Variants in FAM227B observed in about 807,000 individuals in gnomAD.
The protein encoded by FAM227B is protein FAM227B.
In FAM227B, 88 loss-of-function variants were observed where a neutral mutation model predicts 73.8. That is an observed-to-expected ratio of 1.19 (90% CI 1.00 to 1.42). FAM227B has a LOEUF of 1.42. Ranked by LOEUF, FAM227B falls within the 40% of genes most tolerant of loss-of-function variation. FAM227B has a pLI of 0.00. For missense variants in FAM227B, 632 were observed against 590.9 expected (o/e 1.07, Z -0.72); for synonymous variants, 210 against 190.5 (o/e 1.10, Z -0.84).
At chr15:49,377,331 A>G (rs1159350063) in intron 11 of FAM227B, among the ~76,000 whole-genome samples, 2 of 152,054 alleles carry the variant, frequency 1.3e-5, no homozygotes, top group African/African-American at 4.8e-5. Context: ...ATACAGGAGT[A>G]CAGATATTTC....
chr15:49,357,931 A>T (rs1315592504), intron 13 of FAM227B, among the ~76,000 whole-genome samples: 2 of 152,048 alleles, frequency 1.3e-5, no homozygotes, highest in Non-Finnish European at 2.9e-5. Context: ...GGCTGGTTCA[A>T]TATACACAAA....
chr15:49,416,130 C>A (rs1345667762), intron 11 of FAM227B, among the ~76,000 whole-genome samples: 1 of 146,286 alleles, frequency 6.8e-6, no homozygotes, highest in African/African-American at 2.5e-5. Flanking sequence ...TTGGAACACA[C>A]CAAGATCCAC....
At chr15:49,498,940 G>A in intron 11 of FAM227B, among the ~76,000 whole-genome samples, 1 of 151,828 alleles carries the variant, frequency 6.6e-6, no homozygotes, top group South Asian at 2.1e-4. Flanking sequence ...GCCGAGGCGG[G>A]CGGATCACGA....
chr15:49,489,895 G>T (rs2056915093), intron 11 of FAM227B, among the ~76,000 whole-genome samples: 2 of 26,684 alleles, frequency 7.5e-5, no homozygotes, highest in East Asian at 1.3e-3. Context: ...GAGAGAGAGA[G>T]AGAGAGAGAG....
At chr15:49,373,292 T>G (rs1362154523) in intron 11 of FAM227B, among the ~76,000 whole-genome samples, 4 of 151,992 alleles carry the variant, frequency 2.6e-5, no homozygotes, top group Non-Finnish European at 5.9e-5. Context: ...AATGGCAAAA[T>G]AGTAAAGCAA....
chr15:49,527,908 T>A (rs1181149719), intron 10 of FAM227B, among the ~76,000 whole-genome samples: 1 of 151,850 alleles, frequency 6.6e-6, no homozygotes, highest in Non-Finnish European at 1.5e-5. Flanking sequence ...AGAATCAATA[T>A]CATTAAAATG....
chr15:49,396,269 G>A (rs140405184), intron 11 of FAM227B: 108 of 406,578 alleles, frequency 2.7e-4, no homozygotes, highest in East Asian at 2.2e-3. Context: ...ACTCCCACCT[G>A]AATACTGTGC....
At chr15:49,609,393 A>G (rs2077740593) in intron 3 of FAM227B, among the ~76,000 whole-genome samples, 1 of 151,908 alleles carries the variant, frequency 6.6e-6, no homozygotes, top group African/African-American at 2.4e-5. Context: ...AGGAACTGGC[A>G]AAAAAGAGAG....
chr15:49,360,119 C>T (rs988407971), intron 13 of FAM227B, among the ~76,000 whole-genome samples: 2 of 150,182 alleles, frequency 1.3e-5, no homozygotes, highest in Non-Finnish European at 1.5e-5. Flanking sequence ...GGGATAGCAT[C>T]AGGAGATATA....
At chr15:49,550,971 C>T (rs1446976808) in intron 9 of FAM227B, among the ~76,000 whole-genome samples, 5 of 152,214 alleles carry the variant, frequency 3.3e-5, no homozygotes, top group Non-Finnish European at 5.9e-5. Context: ...GATCACACCA[C>T]TGCACTCCAG....
At chr15:49,569,784 A>G (rs2074957781) in intron 8 of FAM227B, among the ~76,000 whole-genome samples, 1 of 151,942 alleles carries the variant, frequency 6.6e-6, no homozygotes, top group South Asian at 2.1e-4. Flanking sequence ...GCCCATTGCC[A>G]TTCAGCCCAG....
chr15:49,395,859 T>A, intron 11 of FAM227B: 1 of 446,570 alleles, frequency 2.2e-6, no homozygotes. Context: ...AAGGATAGAA[T>A]TGAATCTCTC....
At position 49,328,020 on chromosome 15, in the gene FAM227B, C is replaced by T. The variant is rs1336810027; in HGVS notation, c.*548G>A. 29 of 1,613,818 alleles carry T rather than the reference C, an allele frequency of 1.8e-5. No homozygotes were observed. Among genetic ancestry groups the T allele is most frequent in the Non-Finnish European group, 2.4e-5 (28 of 1,179,858 alleles). On this transcript the variant is annotated 3_prime_UTR_variant, in exon 16 of 16. Coordinates refer to ENST00000299338, the MANE Select transcript of FAM227B (RefSeq NM_152647.3). ...GGAGGCTGCACAGTATCAATGGTAC[C>T]TGCGGACAAGCTGCCCAGCTTTCTA...
At chr15:49,614,173 T>C (rs10519233) in intron 2 of FAM227B, among the ~76,000 whole-genome samples, 27,982 of 152,208 alleles carry the variant, frequency 0.18, 3,165 homozygotes, top group Non-Finnish European at 0.25. Context: ...ATAGTGAAGT[T>C]CTAACTAATT....
chr15:49,564,594 T>C (rs28465200), intron 9 of FAM227B, among the ~76,000 whole-genome samples: 27,804 of 151,986 alleles, frequency 0.18, 3,136 homozygotes, highest in Non-Finnish European at 0.25. Flanking sequence ...AACCTAACTA[T>C]CCATCAATGG....
At position 49,453,294 on chromosome 15, in the gene FAM227B, G is replaced by C. The variant is rs138266669; in HGVS notation, c.1012+54917C>G. On this transcript the variant is annotated intron_variant, in intron 11 of 15. Transcript: ENST00000299338. Reference sequence around the variant, plus strand: ...TATTATTATTTTTTATTTTAAGATGGGATTTCACCATGTTACCCAGGCTGG... The same window carrying C: ...TATTATTATTTTTTATTTTAAGATGCGATTTCACCATGTTACCCAGGCTGG... Among the ~76,000 whole-genome samples the C allele has an allele frequency of 1.9e-3, 285 of 151,338 alleles. 1 individual carries two copies. The highest frequency in any genetic ancestry group is 6.5e-3 in the African/African-American group (269 of 41,198).
intron 13 of FAM227B, among the ~76,000 whole-genome samples, chr15:49,357,877 A>G (rs2043449898): frequency 6.6e-6 from 1 of 152,004 alleles, no homozygotes; most frequent in South Asian, 2.1e-4. Context: ...CCCATCAAAA[A>G]GCTTATCCAC....
chr15:49,577,426 C>A, intron 6 of FAM227B: 1 of 462,360 alleles, frequency 2.2e-6, no homozygotes, highest in East Asian at 3.5e-5. Flanking sequence ...TTGATATAAA[C>A]TCAAATGATC....
chr15:49,480,288 T>A (rs913520864), intron 11 of FAM227B, among the ~76,000 whole-genome samples: 1 of 152,020 alleles, frequency 6.6e-6, no homozygotes, highest in Admixed American at 6.6e-5. Context: ...ATTAAAAATG[T>A]TCATCACCTT....
Sources: gnomAD v4.1 joint callset for allele counts (sites outside exome capture counted in the v4.1 genomes callset) on GRCh38, gnomAD v4.1.1 for gene constraint, MANE v1.5 for transcripts, NCBI Gene and HGNC (gene_info 2026-07-23, HGNC 2026-07-21) for gene names.